CCDC141: variants seen among roughly 807,000 people sequenced by gnomAD.
CCDC141 encodes coiled-coil domain-containing protein 141.
A neutral mutation model predicts 181.0 loss-of-function variants in CCDC141; 168 were observed. That is an observed-to-expected ratio of 0.93 (90% CI 0.82 to 1.05). The LOEUF is 1.05. Ranked by LOEUF, CCDC141 falls within the 50% of genes least tolerant of loss-of-function variation. The pLI is 0.00. For missense variants in CCDC141, 1,902 were observed against 1,788.5 expected, an observed-to-expected ratio of 1.06 and a Z score of -1.14; for synonymous variants, 666 against 642.3, an observed-to-expected ratio of 1.04 and a Z score of -0.56.
At chr2:178,980,441 C>T (rs1691323857) in intron 2 of CCDC141, among the ~76,000 whole-genome samples, 1 of 151,870 alleles carries the variant, frequency 6.6e-6, no homozygotes. Flanking sequence ...CAGAGCGAGA[C>T]TCTGTCTCAA....
chr2:179,027,727 G>A (rs188147524), intron 2 of CCDC141, among the ~76,000 whole-genome samples: 102 of 142,398 alleles, frequency 7.2e-4, no homozygotes, highest in Non-Finnish European at 1.3e-3. Flanking sequence ...ATCCATGTAA[G>A]ATGTGACTTG....
At chr2:178,936,172 T>C (rs1010710470) in intron 6 of CCDC141, among the ~76,000 whole-genome samples, 6 of 152,266 alleles carry the variant, frequency 3.9e-5, no homozygotes, top group South Asian at 2.1e-4. Flanking sequence ...TCTTTGCCTA[T>C]TCCTATGTCT....
At chr2:178,839,581 CAAAAAAAAAAA>C (rs58096328) in intron 22 of CCDC141, among the ~76,000 whole-genome samples, 12 of 59,498 alleles carry the variant, frequency 2.0e-4, no homozygotes, top group African/African-American at 7.9e-4. Context: ...ACTTCGTCTC[CAAAAAAAAAAA>C]AAAAAAAAAA....
intron 2 of CCDC141, among the ~76,000 whole-genome samples, chr2:179,015,546 TATCTC>T (rs1314214707): frequency 5.3e-5 from 2 of 37,774 alleles, no homozygotes; most frequent in East Asian, 2.1e-3. Flanking sequence ...ATGATATATA[TATCTC>T]ATATCTCATA....
rs187498752 is a variant in CCDC141 at position 178,838,506 on chromosome 2, T to C, written c.3475-762A>G. Reference sequence around the variant, plus strand: ...CTCATATAGAGAAAGCAATTCTTCATGACTAGTTTTATTTTCTTGAAGTCC... The same window carrying C: ...CTCATATAGAGAAAGCAATTCTTCACGACTAGTTTTATTTTCTTGAAGTCC... On this transcript the variant is annotated intron_variant, in intron 22 of 23. Transcript: ENST00000443758. 2.9e-3 allele frequency among the ~76,000 whole-genome samples: 437 copies of C among 152,370 alleles called. 1 individual carries two copies. Among genetic ancestry groups the C allele is most frequent in the African/African-American group, 9.8e-3 (409 of 41,594 alleles).
chr2:178,827,974 A>C (rs1351143770), downstream of CCDC141, among the ~76,000 whole-genome samples: 1 of 152,074 alleles, frequency 6.6e-6, no homozygotes, highest in East Asian at 1.9e-4. Context: ...TCTCTGGTGC[A>C]CCTTGGCTTA....
chr2:178,979,135 G>C (rs1304227060), intron 2 of CCDC141, among the ~76,000 whole-genome samples: 1 of 152,104 alleles, frequency 6.6e-6, no homozygotes, highest in Non-Finnish European at 1.5e-5. Flanking sequence ...ATTAAGAGTA[G>C]ATTTTTAAAC....
chr2:178,850,787 T>C (rs551685099), intron 20 of CCDC141, among the ~76,000 whole-genome samples: 1 of 152,242 alleles, frequency 6.6e-6, no homozygotes, highest in Non-Finnish European at 1.5e-5. Flanking sequence ...GTAATAAAAA[T>C]AGCTACCATG....
intron 8 of CCDC141, among the ~76,000 whole-genome samples, chr2:178,891,829 A>T (rs1173331799): frequency 6.6e-6 from 1 of 151,336 alleles, no homozygotes; most frequent in Non-Finnish European, 1.5e-5. Context: ...ATTCTGTCTC[A>T]TTTTGTGGTG....
intron 7 of CCDC141, among the ~76,000 whole-genome samples, chr2:178,912,593 C>A (rs1018312509): frequency 5.9e-5 from 9 of 152,184 alleles, no homozygotes; most frequent in Non-Finnish European, 1.5e-5. Context: ...ACTCATCACT[C>A]TGTCATAGGG....
At chr2:178,904,031 C>T (rs1687841438) in intron 8 of CCDC141, among the ~76,000 whole-genome samples, 1 of 152,054 alleles carries the variant, frequency 6.6e-6, no homozygotes, top group African/African-American at 2.4e-5. Flanking sequence ...CTGTATTGTT[C>T]AAGACATTTA....
chr2:178,969,330 A>G (rs189870567), intron 4 of CCDC141, among the ~76,000 whole-genome samples: 19 of 152,218 alleles, frequency 1.2e-4, no homozygotes, highest in East Asian at 3.9e-4. Flanking sequence ...AGAGCCCACA[A>G]ATGGGACCTA....
chr2:179,037,821 G>A (rs2043186331), intron 2 of CCDC141, among the ~76,000 whole-genome samples: 1 of 152,188 alleles, frequency 6.6e-6, no homozygotes, highest in Non-Finnish European at 1.5e-5. Context: ...CTAATAGGAT[G>A]GCTATGACTT....
intron 8 of CCDC141, among the ~76,000 whole-genome samples, chr2:178,897,826 T>C (rs1233920411): frequency 1.3e-5 from 2 of 152,180 alleles, no homozygotes; most frequent in Non-Finnish European, 2.9e-5. Context: ...TTTTGTCCCA[T>C]TATAGAAAAC....
At chr2:178,919,526 TC>T (rs1471937803) in intron 6 of CCDC141, among the ~76,000 whole-genome samples, 1 of 152,160 alleles carries the variant, frequency 6.6e-6, no homozygotes, top group Non-Finnish European at 1.5e-5. Context: ...ACAGGTCACT[TC>T]CATTTCTGTG....
Position 178,834,211 on chromosome 2 carries a change from C to G in CCDC141, c.4555G>C (p.Val1519Leu). The part of the protein sequence containing the change: ...VNWITLCVVY[V>L]SVSLMYWLLT... ...AGCCAGTACATTAGGGACACACTAA[C>G]ATAGACGACACACAGGGTTATCCAG... The change falls in exon 24 of 24, where the codon GTT (valine) becomes CTT (leucine). Residue 1519 changes from valine (V) to leucine (L), a missense_variant. Physicochemically the swap from Val to Leu is conservative, Grantham distance 32 (BLOSUM62 1). Coordinates refer to ENST00000443758, the MANE Select transcript of CCDC141 (RefSeq NM_173648.4). 6.5e-7 allele frequency: 1 copy of G among 1,536,326 alleles called. No individual in the cohort carries two copies.
At chr2:179,047,142 A>G (rs1441053397) in intron 2 of CCDC141, 142 bp downstream of exon 2, 2 of 596,194 alleles carry the variant, frequency 3.4e-6, no homozygotes, top group African/African-American at 1.9e-5. Flanking sequence ...TTGTTCATAA[A>G]TAACTACTGA....
intron 22 of CCDC141, among the ~76,000 whole-genome samples, chr2:178,842,680 A>T (rs1402160496): frequency 6.6e-6 from 1 of 152,250 alleles, no homozygotes; most frequent in Middle Eastern, 3.2e-3. Context: ...CATAACAGAT[A>T]GCCTTACTTT....
chr2:178,946,285 G>A (rs912434318), intron 5 of CCDC141, among the ~76,000 whole-genome samples: 1 of 152,032 alleles, frequency 6.6e-6, no homozygotes, highest in Admixed American at 6.6e-5. Context: ...TATGTACAAT[G>A]TGCCTATGAA....
Sources: allele counts gnomAD v4.1 joint callset (sites outside exome capture counted in the v4.1 genomes callset), GRCh38; gene constraint gnomAD v4.1.1; transcripts MANE v1.5; gene names NCBI Gene and HGNC (gene_info 2026-07-23, HGNC 2026-07-21).